APP: variants seen among roughly 807,000 people sequenced by gnomAD.
APP encodes amyloid beta precursor protein.
Under a neutral mutation model 101.4 loss-of-function variants are expected in APP, and 31 were observed. That is an observed-to-expected ratio of 0.31 (90% CI 0.23 to 0.41). The LOEUF is 0.41. APP is among the 10% of genes least tolerant of loss of function. The pLI is 1.00. For missense variants in APP, 839 were observed against 1,003.7 expected, an observed-to-expected ratio of 0.84 and a Z score of 2.22; for synonymous variants, 366 against 364.4, an observed-to-expected ratio of 1.00 and a Z score of -0.05.
intron 1 of APP, among the ~76,000 whole-genome samples, chr21:26,131,860 G>A (rs1315412545): frequency 1.3e-5 from 2 of 151,612 alleles, no homozygotes; most frequent in African/African-American, 4.8e-5. Flanking sequence ...GTATACAGAT[G>A]AATGTCTGTC....
At chr21:25,903,378 A>G (rs2038614210) in intron 15 of APP, among the ~76,000 whole-genome samples, 1 of 146,174 alleles carries the variant, frequency 6.8e-6, no homozygotes, top group Non-Finnish European at 1.5e-5. Context: ...CAAAAAAAAA[A>G]AAAAAAAATC....
intron 6 of APP, among the ~76,000 whole-genome samples, chr21:26,004,645 T>G (rs1568841655): frequency 6.6e-6 from 1 of 152,144 alleles, no homozygotes; most frequent in Admixed American, 6.6e-5. Flanking sequence ...AAGAAAAGAT[T>G]TTTAATTTTT....
At chr21:26,089,831 G>C in intron 3 of APP, 112 bp downstream of exon 3, 9 of 1,491,730 alleles carry the variant, frequency 6.0e-6, no homozygotes, top group Non-Finnish European at 8.3e-6. Flanking sequence ...AACACAGAGT[G>C]GCAATGTGCT....
At chr21:26,142,227 A>G (rs2063061947) in intron 1 of APP, among the ~76,000 whole-genome samples, 1 of 152,172 alleles carries the variant, frequency 6.6e-6, no homozygotes, top group Non-Finnish European at 1.5e-5. Context: ...TGCGTCCTGG[A>G]TGGAGAAAAT....
intron 5 of APP, among the ~76,000 whole-genome samples, chr21:26,034,487 C>CA (rs1185124694): frequency 6.6e-6 from 1 of 151,486 alleles, no homozygotes; most frequent in Non-Finnish European, 1.5e-5. Flanking sequence ...TACTAAAACA[C>CA]AAAAAATAGC....
chr21:25,957,942 C>T (rs934019350), intron 11 of APP, among the ~76,000 whole-genome samples: 2 of 151,260 alleles, frequency 1.3e-5, no homozygotes, highest in East Asian at 1.9e-4. Flanking sequence ...CCTGATTGCA[C>T]GACTGTACTC....
intron 4 of APP, among the ~76,000 whole-genome samples, 198 bp downstream of exon 4, chr21:26,053,038 C>A (rs547080235): frequency 1.3e-5 from 2 of 152,204 alleles, no homozygotes; most frequent in South Asian, 4.1e-4. Flanking sequence ...TACACGGGAA[C>A]TCTATTTTCT....
At chr21:26,139,127 C>T (rs922259191) in intron 1 of APP, among the ~76,000 whole-genome samples, 9 of 151,820 alleles carry the variant, frequency 5.9e-5, no homozygotes, top group Non-Finnish European at 1.5e-5. Flanking sequence ...AATGATGCAA[C>T]ATTACGTAAG....
chr21:26,006,916 G>T lies in APP; in HGVS notation c.866-6734C>A, dbSNP rs371731502. Among the ~76,000 whole-genome samples, 9 of 152,176 alleles carry T rather than the reference G, an allele frequency of 5.9e-5. No individual in the cohort carries two copies. The South Asian group carries it at 8.3e-4, about 14-fold the overall frequency. ...TATTATTATTTCATTTTTAATCATT[G>T]AATTTCAAGTATTCTCAGCCTACTG... is the stretch of plus-strand genomic sequence containing the variant. On this transcript the variant is annotated intron_variant, in intron 6 of 17. Transcript: ENST00000346798.
intron 8 of APP, among the ~76,000 whole-genome samples, chr21:25,993,280 T>C (rs1025114350): frequency 5.7e-5 from 6 of 105,206 alleles, no homozygotes; most frequent in Non-Finnish European, 9.6e-5. Flanking sequence ...CCTACACCTC[T>C]GCACAAACTA....
intron 6 of APP, among the ~76,000 whole-genome samples, chr21:26,003,856 T>C (rs905149607): frequency 1.3e-5 from 2 of 152,182 alleles, no homozygotes; most frequent in African/African-American, 4.8e-5. Context: ...AGCAACTTCC[T>C]ACAGCAGTGA....
chr21:25,952,423 A>T (rs1006079163), intron 13 of APP, among the ~76,000 whole-genome samples: 1 of 149,490 alleles, frequency 6.7e-6, no homozygotes, highest in South Asian at 2.1e-4. Flanking sequence ...GATACTAGTT[A>T]TCTAAATATC....
chr21:25,932,882 C>A (rs887162695), intron 13 of APP, among the ~76,000 whole-genome samples: 2 of 152,146 alleles, frequency 1.3e-5, no homozygotes, highest in African/African-American at 2.4e-5. Context: ...AAAGCATACT[C>A]AACTTCAGTA....
At chr21:25,908,037 T>C (rs1419462422) in intron 14 of APP, among the ~76,000 whole-genome samples, 1 of 152,256 alleles carries the variant, frequency 6.6e-6, no homozygotes, top group African/African-American at 2.4e-5. Flanking sequence ...AGGCAGACTG[T>C]TGGCCACAAA....
chr21:25,910,821 T>A (rs1056830304), intron 14 of APP, among the ~76,000 whole-genome samples: 1 of 152,256 alleles, frequency 6.6e-6, no homozygotes, highest in Non-Finnish European at 1.5e-5. Flanking sequence ...TATTTATATG[T>A]AGTTCTCTAT....
At chr21:26,111,480 G>A (rs892704059) in intron 2 of APP, among the ~76,000 whole-genome samples, 4 of 152,088 alleles carry the variant, frequency 2.6e-5, no homozygotes, top group South Asian at 2.1e-4. Flanking sequence ...GCTCATACCC[G>A]TAATCTCAGC....
At chr21:26,039,307 TA>T in intron 5 of APP, among the ~76,000 whole-genome samples, 1 of 152,282 alleles carries the variant, frequency 6.6e-6, no homozygotes, top group East Asian at 1.9e-4. Flanking sequence ...TGACAATAAG[TA>T]ACAGCTCTTC....
chr21:26,043,256 G>C (rs2045456323), intron 5 of APP, among the ~76,000 whole-genome samples: 1 of 150,706 alleles, frequency 6.6e-6, no homozygotes, highest in African/African-American at 2.4e-5. Flanking sequence ...TTTTTTTTGA[G>C]ACAGAGTCTT....
At chr21:25,966,108 A>C (rs2041786425) in intron 11 of APP, among the ~76,000 whole-genome samples, 1 of 152,210 alleles carries the variant, frequency 6.6e-6, no homozygotes, top group African/African-American at 2.4e-5. Context: ...CCCAGAAACC[A>C]CTAGTATCTC....
Sources: gnomAD v4.1 joint callset for allele counts (sites outside exome capture counted in the v4.1 genomes callset) on GRCh38, gnomAD v4.1.1 for gene constraint, MANE v1.5 for transcripts, NCBI Gene and HGNC (gene_info 2026-07-23, HGNC 2026-07-21) for gene names.